Variants in PLEKHM3 observed in about 807,000 individuals in gnomAD.
PLEKHM3 encodes pleckstrin homology domain-containing family M member 3.
A neutral mutation model predicts 81.8 loss-of-function variants in PLEKHM3; 45 were observed. The observed-to-expected ratio is 0.55, with a 90% CI of 0.43 to 0.71. The LOEUF (loss-of-function observed/expected upper bound fraction) is 0.71. Among genes scored for constraint, PLEKHM3 ranks in the 30% least tolerant of loss-of-function variants. PLEKHM3 has a pLI of 0.00. For missense variants in PLEKHM3, 788 were observed against 924.3 expected, an observed-to-expected ratio of 0.85 and a Z score of 1.91; for synonymous variants, 352 against 356.4, an observed-to-expected ratio of 0.99 and a Z score of 0.14.
At chr2:207,913,876 C>T (rs1175221040) in intron 5 of PLEKHM3, among the ~76,000 whole-genome samples, 1 of 152,028 alleles carries the variant, frequency 6.6e-6, no homozygotes, top group Non-Finnish European at 1.5e-5. Context: ...GATGTGGACC[C>T]AGCTGGAAGC....
At position 207,858,269 on chromosome 2, in the gene PLEKHM3, G is replaced by A. The variant is rs150945942; in HGVS notation, c.2108+2836C>T. ...GCTCACTGCAATCTCTGCCTCCTGGGTTTAAGTGATTCTCCTGCTTCAGCC... is the reference window on the plus strand; with the variant it reads ...GCTCACTGCAATCTCTGCCTCCTGGATTTAAGTGATTCTCCTGCTTCAGCC... On this transcript the variant is annotated intron_variant, in intron 7 of 7. Transcript: ENST00000427836. Among the ~76,000 whole-genome samples the A allele has an allele frequency of 6.2e-3, 934 of 151,182 alleles. 10 individuals carry two copies. The highest frequency in any genetic ancestry group is 0.022 in the African/African-American group (886 of 41,072).
intron 1 of PLEKHM3, among the ~76,000 whole-genome samples, chr2:208,009,186 A>G (rs1692606085): frequency 6.6e-6 from 1 of 152,108 alleles, no homozygotes; most frequent in Non-Finnish European, 1.5e-5. Context: ...TTGCCATTCC[A>G]ACTTTCTACT....
chr2:207,857,647 A>G (rs2092443243), intron 7 of PLEKHM3, among the ~76,000 whole-genome samples: 1 of 152,164 alleles, frequency 6.6e-6, no homozygotes, highest in African/African-American at 2.4e-5. Context: ...ATTTGTTGGT[A>G]TAACATTGTT....
chr2:207,888,508 C>T (rs1415242700), intron 6 of PLEKHM3, among the ~76,000 whole-genome samples: 3 of 152,066 alleles, frequency 2.0e-5, no homozygotes, highest in South Asian at 4.1e-4. Flanking sequence ...GTGATTCTCC[C>T]ACCTCAGCCT....
intron 5 of PLEKHM3, among the ~76,000 whole-genome samples, chr2:207,926,728 C>T (rs1456696924): frequency 6.6e-6 from 1 of 152,176 alleles, no homozygotes; most frequent in Non-Finnish European, 1.5e-5. Flanking sequence ...CTAAACTAAT[C>T]ACCCCTGCCA....
At chr2:207,930,904 G>A (rs369547082) in intron 5 of PLEKHM3, 22 bp downstream of exon 5, 57 of 1,606,824 alleles carry the variant, frequency 3.5e-5, no homozygotes, top group Non-Finnish European at 4.3e-5. Context: ...AACGGGAGCC[G>A]TCTGAGATTT....
At chr2:207,919,377 T>C (rs1267143732) in intron 5 of PLEKHM3, among the ~76,000 whole-genome samples, 1 of 152,096 alleles carries the variant, frequency 6.6e-6, no homozygotes, top group African/African-American at 2.4e-5. Flanking sequence ...GAGGTGAAAC[T>C]ATCCGTTTGG....
chr2:207,974,797 C>T (rs17459574), intron 3 of PLEKHM3, among the ~76,000 whole-genome samples: 15,939 of 151,956 alleles, frequency 0.1, 958 homozygotes, highest in Non-Finnish European at 0.13. Flanking sequence ...ACAGGTCTTT[C>T]ATACCTACAG....
At chr2:207,930,024 T>C (rs973220614) in intron 5 of PLEKHM3, 3 of 630,988 alleles carry the variant, frequency 4.8e-6, no homozygotes, top group South Asian at 3.8e-5. Flanking sequence ...CTAGTTTGTA[T>C]ATGCCAAGGG....
chr2:207,872,364 A>G (rs1381532632), intron 6 of PLEKHM3, among the ~76,000 whole-genome samples: 1 of 152,202 alleles, frequency 6.6e-6, no homozygotes, highest in Non-Finnish European at 1.5e-5. Flanking sequence ...GCTTATTGAA[A>G]AATAATACCT....
chr2:207,830,483 C>T (rs2092279901), intron 7 of PLEKHM3, among the ~76,000 whole-genome samples: 1 of 151,748 alleles, frequency 6.6e-6, no homozygotes, highest in South Asian at 2.1e-4. Flanking sequence ...CGTGGTGACG[C>T]ATGCCTGTAA....
At chr2:207,964,877 C>T (rs977444688) in intron 3 of PLEKHM3, among the ~76,000 whole-genome samples, 5 of 152,166 alleles carry the variant, frequency 3.3e-5, no homozygotes, top group African/African-American at 1.2e-4. Context: ...TACTTTACCC[C>T]CACACCTCAA....
intron 6 of PLEKHM3, 67 bp from the exon 7 acceptor site, chr2:207,861,329 A>G (rs1373432389): frequency 2.9e-5 from 43 of 1,481,942 alleles, no homozygotes; most frequent in Non-Finnish European, 3.6e-5. Context: ...CACACAGGAA[A>G]GGAAAGGAAT....
At chr2:207,891,882 T>C (rs571979772) in intron 6 of PLEKHM3, among the ~76,000 whole-genome samples, 37 of 152,222 alleles carry the variant, frequency 2.4e-4, no homozygotes, top group Admixed American at 1.4e-3. Flanking sequence ...CACTTATGGA[T>C]TATTTTTAAA....
intron 2 of PLEKHM3, among the ~76,000 whole-genome samples, chr2:207,984,194 T>C (rs1691637061): frequency 6.6e-6 from 1 of 152,256 alleles, no homozygotes; most frequent in Admixed American, 6.5e-5. Flanking sequence ...TTGTTTTTTA[T>C]TTGTTTTTCT....
intron 4 of PLEKHM3, among the ~76,000 whole-genome samples, chr2:207,940,394 A>G (rs1256995732): frequency 2.0e-5 from 3 of 152,232 alleles, no homozygotes; most frequent in African/African-American, 7.2e-5. Flanking sequence ...ATCATGACAC[A>G]TGCATTAACC....
chr2:207,990,777 G>A (rs1691874424), intron 2 of PLEKHM3, among the ~76,000 whole-genome samples: 1 of 152,162 alleles, frequency 6.6e-6, no homozygotes, highest in South Asian at 2.1e-4. Flanking sequence ...TAACAAATTT[G>A]TTCTGGTAGA....
At chr2:207,908,198 T>C (rs1688681664) in intron 6 of PLEKHM3, among the ~76,000 whole-genome samples, 1 of 152,206 alleles carries the variant, frequency 6.6e-6, no homozygotes, top group South Asian at 2.1e-4. Flanking sequence ...CTCTCTTGGG[T>C]ATATACCTAG....
intron 2 of PLEKHM3, among the ~76,000 whole-genome samples, chr2:207,994,429 C>T (rs1345745214): frequency 6.6e-6 from 1 of 151,860 alleles, no homozygotes. Flanking sequence ...GGGTTTAGTA[C>T]AGACAGTAGT....
Sources: gnomAD v4.1 joint callset for allele counts (sites outside exome capture counted in the v4.1 genomes callset) on GRCh38, gnomAD v4.1.1 for gene constraint, MANE v1.5 for transcripts, NCBI Gene and HGNC (gene_info 2026-07-23, HGNC 2026-07-21) for gene names.